CAMK1D: variants seen among roughly 807,000 people sequenced by gnomAD.
CAMK1D encodes the protein calcium/calmodulin dependent protein kinase ID, also known as calcium/calmodulin-dependent protein kinase type 1D.
A neutral mutation model predicts 47.7 loss-of-function variants in CAMK1D; 9 were observed. The ratio of observed to expected loss-of-function variants is 0.19; its 90% CI spans 0.11 to 0.33. The LOEUF (loss-of-function observed/expected upper bound fraction) is 0.33. CAMK1D is among the 10% of genes least tolerant of loss of function. The pLI, the probability that CAMK1D is intolerant of heterozygous loss-of-function variation, is 1.00. For synonymous variants in CAMK1D, 184 were observed against 184.9 expected (o/e 0.99, Z 0.04); for missense variants, 291 against 488.7 (o/e 0.60, Z 3.81).
chr10:12,590,748 G>A (rs982447488), intron 2 of CAMK1D, among the ~76,000 whole-genome samples: 1 of 152,182 alleles, frequency 6.6e-6, no homozygotes, highest in Non-Finnish European at 1.5e-5. Context: ...AATCACAGAA[G>A]CAGAAAATTT....
At chr10:12,646,939 T>C (rs1839826413) in intron 2 of CAMK1D, among the ~76,000 whole-genome samples, 1 of 150,008 alleles carries the variant, frequency 6.7e-6, no homozygotes, top group East Asian at 2.0e-4. Context: ...CCTTCCAGGC[T>C]CAAGTGATTC....
intron 3 of CAMK1D, among the ~76,000 whole-genome samples, chr10:12,692,363 G>A (rs1223081503): frequency 1.3e-5 from 2 of 152,140 alleles, no homozygotes; most frequent in Non-Finnish European, 2.9e-5. Flanking sequence ...ATATGTTAGG[G>A]AAAATATTTC....
At chr10:12,772,779 G>A (rs1441004219) in intron 5 of CAMK1D, among the ~76,000 whole-genome samples, 1 of 152,168 alleles carries the variant, frequency 6.6e-6, no homozygotes, top group African/African-American at 2.4e-5. Context: ...TGTAGCAGTG[G>A]CGTTCTTCTA....
intron 1 of CAMK1D, among the ~76,000 whole-genome samples, chr10:12,511,280 A>T (rs1407638585): frequency 1.3e-5 from 2 of 152,112 alleles, no homozygotes; most frequent in African/African-American, 4.8e-5. Flanking sequence ...GTGGCAGCAA[A>T]TTGGAATCTC....
chr10:12,422,087 G>A lies in CAMK1D; in HGVS notation c.92+72177G>A, dbSNP rs143893274. Among the ~76,000 whole-genome samples, 576 of 151,976 alleles carry A rather than the reference G, an allele frequency of 3.8e-3. 4 individuals are homozygous for A. Among genetic ancestry groups the A allele is most frequent in the African/African-American group, 0.013 (553 of 41,456 alleles). On this transcript the variant is annotated intron_variant, in intron 1 of 10. Transcript: ENST00000619168. ...GCCTTCCAAAGTGCTGGGATTACAG[G>A]TGTGAGCCACTGTGCCCAGTCTTGG...
chr10:12,404,684 CTG>C (rs1839348989), intron 1 of CAMK1D, among the ~76,000 whole-genome samples: 2 of 149,852 alleles, frequency 1.3e-5, no homozygotes, highest in Admixed American at 6.7e-5. Context: ...ACCAAGAAAA[CTG>C]TGTTTTTAAA....
At chr10:12,681,129 A>G (rs1045779062) in intron 3 of CAMK1D, among the ~76,000 whole-genome samples, 1 of 152,138 alleles carries the variant, frequency 6.6e-6, no homozygotes, top group African/African-American at 2.4e-5. Context: ...TTTCTCTCCT[A>G]AAACTCCGTG....
intron 3 of CAMK1D, among the ~76,000 whole-genome samples, chr10:12,707,503 C>T (rs1312100486): frequency 6.6e-6 from 1 of 152,114 alleles, no homozygotes; most frequent in Non-Finnish European, 1.5e-5. Flanking sequence ...AAAACATTGG[C>T]AGCAAGGCAG....
At chr10:12,567,477 G>T (rs1367286984) in intron 2 of CAMK1D, among the ~76,000 whole-genome samples, 1 of 152,174 alleles carries the variant, frequency 6.6e-6, no homozygotes, top group Non-Finnish European at 1.5e-5. Flanking sequence ...CGGTTTGGGG[G>T]ATAAGCCAGG....
At chr10:12,800,092 G>C (rs554272234) in intron 6 of CAMK1D, among the ~76,000 whole-genome samples, 1 of 152,262 alleles carries the variant, frequency 6.6e-6, no homozygotes, top group South Asian at 2.1e-4. Flanking sequence ...GTCACCCTCT[G>C]CATGGTTTAA....
At chr10:12,748,520 C>T (rs916804861) in intron 3 of CAMK1D, among the ~76,000 whole-genome samples, 16 of 152,228 alleles carry the variant, frequency 1.1e-4, no homozygotes, top group African/African-American at 3.9e-4. Flanking sequence ...AAAAGGCTTG[C>T]TTTCTGGAAT....
intron 8 of CAMK1D, among the ~76,000 whole-genome samples, chr10:12,823,137 T>A: frequency 6.6e-6 from 1 of 152,226 alleles, no homozygotes; most frequent in African/African-American, 2.4e-5. Flanking sequence ...TGAATATGCC[T>A]GAGCCGTGTT....
At chr10:12,626,799 A>G (rs1839230663) in intron 2 of CAMK1D, among the ~76,000 whole-genome samples, 1 of 152,106 alleles carries the variant, frequency 6.6e-6, no homozygotes, top group Non-Finnish European at 1.5e-5. Flanking sequence ...TTAAAAATTT[A>G]TTTCTACTAC....
At chr10:12,663,658 G>A (rs1471876724) in intron 2 of CAMK1D, among the ~76,000 whole-genome samples, 1 of 152,102 alleles carries the variant, frequency 6.6e-6, no homozygotes, top group Non-Finnish European at 1.5e-5. Flanking sequence ...GACTGTGCCT[G>A]ATACATGGCA....
chr10:12,707,859 C>T (rs1833787288), intron 3 of CAMK1D, among the ~76,000 whole-genome samples: 1 of 152,202 alleles, frequency 6.6e-6, no homozygotes, highest in African/African-American at 2.4e-5. Context: ...TAGCCATAAA[C>T]ATGCTCCCTC....
Position 12,816,326 on chromosome 10 carries a change from A to G in CAMK1D, c.831A>G (p.Pro277=), listed in dbSNP as rs1274380399. 6.2e-6 allele frequency: 10 copies of G among 1,612,880 alleles called. No individual in the cohort carries two copies. The highest frequency in any genetic ancestry group is 3.3e-5 in the Admixed American group (2 of 59,932). ...RYTCEQAARH[P]WIAGDTALNK... is the part of the protein sequence containing the mutation. ...CGTGTGAGCAGGCAGCTCGGCACCC[A>G]TGGTAAGGAAATGCACCCGCTCAGC... Residue 277 remains proline (P), a splice_region_variant and synonymous_variant, in exon 8 of 11, where the codon CCA becomes CCG. Coordinates refer to ENST00000619168, the MANE Select transcript of CAMK1D (RefSeq NM_153498.4).
chr10:12,686,478 C>T (rs1008810966), intron 3 of CAMK1D, among the ~76,000 whole-genome samples: 1 of 152,054 alleles, frequency 6.6e-6, no homozygotes, highest in East Asian at 1.9e-4. Context: ...CGCACCACCA[C>T]GTCCAGCTAA....
At position 12,653,221 on chromosome 10, in the gene CAMK1D, A is replaced by G. The variant is rs555242333; in HGVS notation, c.225-13515A>G. 702 of 154,368 alleles carry G rather than the reference A, an allele frequency of 4.5e-3. 3 individuals are homozygous for G. The highest frequency in any genetic ancestry group is 0.015 in the African/African-American group (643 of 41,612). 9.6% of individuals were successfully genotyped at this position (154,368 alleles called of 1,614,324 possible). A position where few individuals can be genotyped will look rare whatever the true frequency, so the allele number is the denominator to read the frequency against. On this transcript the variant is annotated intron_variant, in intron 2 of 10. Coordinates refer to ENST00000619168, the MANE Select transcript of CAMK1D (RefSeq NM_153498.4). ...CCTGTGATGACCCATTAATCCACAA[A>G]TGGGTTAATCTATTCATAAGGGCAG...
intron 8 of CAMK1D, among the ~76,000 whole-genome samples, chr10:12,816,984 G>T (rs1211442067): frequency 1.3e-5 from 2 of 150,588 alleles, no homozygotes; most frequent in Admixed American, 1.3e-4. Context: ...CACAATCGTG[G>T]TGGAAGGCAA....
Sources: allele counts gnomAD v4.1 joint callset (sites outside exome capture counted in the v4.1 genomes callset), GRCh38; gene constraint gnomAD v4.1.1; transcripts MANE v1.5; gene names NCBI Gene and HGNC (gene_info 2026-07-23, HGNC 2026-07-21).